The following TMC2 variants were observed in gnomAD, a reference collection of about 807,000 sequenced individuals.
The protein encoded by TMC2 is transmembrane channel like 2.
A neutral mutation model predicts 105.9 loss-of-function variants in TMC2; 102 were observed. The observed-to-expected ratio is 0.96, with a 90% CI of 0.82 to 1.14. The LOEUF (loss-of-function observed/expected upper bound fraction) is 1.14. Among genes scored for constraint, TMC2 ranks in the 50% most tolerant of loss-of-function variants. The pLI is 0.00. For synonymous variants in TMC2, 402 were observed against 422.8 expected, an observed-to-expected ratio of 0.95 and a Z score of 0.60; for missense variants, 1,093 against 1,134.3, an observed-to-expected ratio of 0.96 and a Z score of 0.52.
chr20:2,539,791 T>A (rs1176448837), intron 2 of TMC2, among the ~76,000 whole-genome samples: 1 of 152,156 alleles, frequency 6.6e-6, no homozygotes, highest in Non-Finnish European at 1.5e-5. Context: ...CTGACTAGCT[T>A]CCTACCCTGG....
intron 6 of TMC2, among the ~76,000 whole-genome samples, 157 bp downstream of exon 6, chr20:2,579,384 T>TTTTTTTTATTTA (rs781248394): frequency 3.4e-5 from 5 of 147,184 alleles, no homozygotes; most frequent in Non-Finnish European, 6.0e-5. Flanking sequence ...AAGATTTATT[T>TTTTTTTTATTTA]TTTATTTATT....
At chr20:2,629,101 CA>C (rs1055229277) in intron 17 of TMC2, among the ~76,000 whole-genome samples, 1 of 151,390 alleles carries the variant, frequency 6.6e-6, no homozygotes, top group African/African-American at 2.4e-5. Context: ...GACTCCATCT[CA>C]AAAAAAAGAA....
chr20:2,562,111 G>C, intron 4 of TMC2, 101 bp downstream of exon 4: 1 of 1,398,330 alleles, frequency 7.2e-7, no homozygotes, highest in African/African-American at 1.4e-5. Context: ...GGCTTGATGT[G>C]AGGGGGCTGC....
rs1299513935 is a variant in TMC2, at chr20:2,616,294, G to C, written c.1940+90G>C. 9.5e-7 allele frequency: 1 copy of C among 1,053,368 alleles called. No homozygotes were observed. Among genetic ancestry groups the C allele is most frequent in the Non-Finnish European group, 1.5e-6 (1 of 672,102 alleles). 65.3% of individuals were successfully genotyped at this position (1,053,368 alleles called of 1,614,324 possible). A position where few individuals can be genotyped will look rare whatever the true frequency, so the allele number is the denominator to read the frequency against. On this transcript the variant is annotated intron_variant, in intron 15 of 19. Coordinates refer to ENST00000358864, the MANE Select transcript of TMC2 (RefSeq NM_080751.3). This position sits in a 1 kb window ranked among gnomAD's most constrained non-coding sequence, Gnocchi z 4.8. ...TTTGCAACTTAACTAGTTGGAAGAG[G>C]CTAGATAAGTCCTCTTGCCTCTCTG... is the stretch of plus-strand genomic sequence containing the variant.
At chr20:2,598,394 C>CTTTA (rs71193979) in intron 10 of TMC2, among the ~76,000 whole-genome samples, 76,081 of 139,564 alleles carry the variant, frequency 0.55, 20,881 homozygotes, top group Non-Finnish European at 0.55. Flanking sequence ...CTTGCCTCTA[C>CTTTA]TTTATTTATT....
chr20:2,587,168 G>GTC (rs1407905285), intron 7 of TMC2, among the ~76,000 whole-genome samples: 1 of 152,010 alleles, frequency 6.6e-6, no homozygotes, highest in Non-Finnish European at 1.5e-5. Context: ...TAATTTTAGA[G>GTC]TAGCATGATC....
chr20:2,573,695 G>A (rs2086120512), intron 5 of TMC2, among the ~76,000 whole-genome samples: 1 of 150,190 alleles, frequency 6.7e-6, no homozygotes, highest in South Asian at 2.1e-4. Context: ...CGAGTACCTG[G>A]GACTACAGGC....
intron 7 of TMC2, among the ~76,000 whole-genome samples, chr20:2,587,557 T>C (rs997207870): frequency 7.2e-5 from 11 of 151,810 alleles, no homozygotes; most frequent in Non-Finnish European, 1.5e-4. Flanking sequence ...TCTTGAAGAA[T>C]TTGTGTAAAT....
chr20:2,634,542 C>T (rs764535780), intron 17 of TMC2, among the ~76,000 whole-genome samples: 8 of 152,176 alleles, frequency 5.3e-5, no homozygotes, highest in Non-Finnish European at 5.9e-5. Flanking sequence ...CTTGTGCCCT[C>T]CTGGGGAAAT....
At chr20:2,541,241 C>T (rs2122791848) in intron 2 of TMC2, among the ~76,000 whole-genome samples, 1 of 152,256 alleles carries the variant, frequency 6.6e-6, no homozygotes, top group South Asian at 2.1e-4. Context: ...ATTCATTATT[C>T]TATTACTGAA....
chr20:2,630,138 G>C (rs145416195), intron 17 of TMC2, among the ~76,000 whole-genome samples: 1 of 152,264 alleles, frequency 6.6e-6, no homozygotes, highest in Non-Finnish European at 1.5e-5. Flanking sequence ...AAGGAATTAG[G>C]ATTGTAGAAG....
intron 17 of TMC2, among the ~76,000 whole-genome samples, chr20:2,630,698 G>A (rs1341898486): frequency 1.3e-5 from 2 of 152,194 alleles, no homozygotes; most frequent in Non-Finnish European, 2.9e-5. Flanking sequence ...GCACATGCCT[G>A]TAGTTCCAGC....
chr20:2,574,193 T>C lies in TMC2; in HGVS notation c.645+1924T>C, dbSNP rs374452483. ...GTTTTATTAAACACCTTTTCCTTTATGTTATTAATTTTTTTTTATTTCTGG... is the reference window on the plus strand; with the variant it reads ...GTTTTATTAAACACCTTTTCCTTTACGTTATTAATTTTTTTTTATTTCTGG... On this transcript the variant is annotated intron_variant, in intron 5 of 19. Transcript: ENST00000358864. Among the ~76,000 whole-genome samples the C allele has an allele frequency of 2.6e-5, 4 of 152,358 alleles. No individual in the cohort carries two copies. In the East Asian group the frequency reaches 5.8e-4, roughly 22 times the overall value.
intron 5 of TMC2, among the ~76,000 whole-genome samples, chr20:2,576,695 C>A (rs532193725): frequency 1.3e-5 from 2 of 152,270 alleles, no homozygotes; most frequent in South Asian, 4.1e-4. Context: ...AATTTGAAGT[C>A]CACAGCAGTC....
intron 2 of TMC2, among the ~76,000 whole-genome samples, chr20:2,537,721 C>G (rs1046607655): frequency 6.6e-6 from 1 of 152,136 alleles, no homozygotes; most frequent in African/African-American, 2.4e-5. Context: ...GCTCCATCAC[C>G]TTCCCACTGG....
At chr20:2,542,020 TA>T (rs1251717541) in intron 2 of TMC2, among the ~76,000 whole-genome samples, 1 of 138,384 alleles carries the variant, frequency 7.2e-6, no homozygotes, top group African/African-American at 2.6e-5. Flanking sequence ...CATGTTTGAT[TA>T]AAAAATTTTC....
Position 2,561,851 on chromosome 20 carries a change from C to T in TMC2, c.402-7C>T. The T allele has an allele frequency of 6.2e-7, 1 of 1,612,140 alleles. No homozygotes were observed. Among genetic ancestry groups the T allele is most frequent in the Non-Finnish European group, 8.5e-7 (1 of 1,179,068 alleles). On this transcript the variant is annotated splice_region_variant and splice_polypyrimidine_tract_variant and intron_variant, in intron 3 of 19. Coordinates refer to ENST00000358864, the MANE Select transcript of TMC2 (RefSeq NM_080751.3). ...TCCCTCTGCCTCCGCCCTGGCTCTGCCTCCAGGTCATCCTCCTTGGCCTCC... is the reference window on the plus strand; with the variant it reads ...TCCCTCTGCCTCCGCCCTGGCTCTGTCTCCAGGTCATCCTCCTTGGCCTCC...
chr20:2,579,108 A>G (rs376179348), intron 5 of TMC2, 38 bp from the exon 6 acceptor site: 1 of 1,187,680 alleles, frequency 8.4e-7, no homozygotes, highest in African/African-American at 1.5e-5. Context: ...CCAGGTTGAC[A>G]TGTTAAGGAA....
At chr20:2,623,479 A>C (rs2086540446) in intron 16 of TMC2, among the ~76,000 whole-genome samples, 1 of 151,922 alleles carries the variant, frequency 6.6e-6, no homozygotes, top group Non-Finnish European at 1.5e-5. Context: ...TGGAGGTTGC[A>C]GTGAGCTGAA....
Sources: allele counts gnomAD v4.1 joint callset (sites outside exome capture counted in the v4.1 genomes callset), GRCh38; gene constraint gnomAD v4.1.1; non-coding constraint Gnocchi (gnomAD v3.1); transcripts MANE v1.5; gene names NCBI Gene and HGNC (gene_info 2026-07-23, HGNC 2026-07-21).